Variants in ALK observed in about 807,000 individuals in gnomAD.
ALK encodes the protein ALK receptor tyrosine kinase.
ALK carries 74 observed loss-of-function variants against 163.1 expected under a neutral mutation model. The ratio of observed to expected loss-of-function variants is 0.45; its 90% confidence interval spans 0.38 to 0.55. The LOEUF (loss-of-function observed/expected upper bound fraction) is 0.55, where lower values mean the gene tolerates loss of function less well. Among genes scored for constraint, ALK ranks in the 20% least tolerant of loss-of-function variants. ALK has a pLI of 0.00. For synonymous variants in ALK, 960 were observed against 843.2 expected (o/e 1.14, Z -2.40); for missense variants, 2,063 against 2,105.3 (o/e 0.98, Z 0.39).
In ALK at chr2:29,246,250, G is replaced by C. The variant is rs1184413777; in HGVS notation, c.2204+4855C>G. Among the ~76,000 whole-genome samples the C allele has an allele frequency of 6.6e-6, 1 of 151,976 alleles. No individual in the cohort carries two copies. The highest frequency in any genetic ancestry group is 1.5e-5 in the Non-Finnish European group (1 of 67,966). On this transcript the variant is annotated intron_variant, in intron 12 of 28. Transcript: ENST00000389048. The surrounding 1 kb of genome is among the most constrained non-coding windows in gnomAD (Gnocchi z 4.3). Reference sequence around the variant, plus strand: ...GAGGGAAGAAGGAGGAAAGAAGTCAGGGAGAGAGAGGGGGCGGGCTGGGCT... The same window carrying C: ...GAGGGAAGAAGGAGGAAAGAAGTCACGGAGAGAGAGGGGGCGGGCTGGGCT...
chr2:29,834,371 T>A (rs1014147233), intron 1 of ALK, among the ~76,000 whole-genome samples: 9 of 152,214 alleles, frequency 5.9e-5, no homozygotes, highest in Admixed American at 5.9e-4. Context: ...GCCAGTCTCA[T>A]CAATTTTCTC....
intron 13 of ALK, among the ~76,000 whole-genome samples, chr2:29,234,140 T>C (rs1045760320): frequency 2.6e-5 from 4 of 152,066 alleles, no homozygotes; most frequent in African/African-American, 9.7e-5. Flanking sequence ...CCCAGAAGTC[T>C]ATCAGGACAG....
chr2:29,311,010 T>C (rs1573216301), intron 8 of ALK, among the ~76,000 whole-genome samples: 4 of 152,206 alleles, frequency 2.6e-5, no homozygotes, highest in African/African-American at 9.6e-5. Context: ...CGAGAACCAC[T>C]GCAGCTTCCT....
chr2:29,441,134 CA>C (rs1441265161), intron 4 of ALK, among the ~76,000 whole-genome samples: 3 of 152,336 alleles, frequency 2.0e-5, no homozygotes, highest in African/African-American at 7.2e-5. Flanking sequence ...ACGCCCTGCT[CA>C]GGGGCAGAAC....
intron 4 of ALK, among the ~76,000 whole-genome samples, chr2:29,490,894 G>C (rs1260688471): frequency 1.3e-5 from 2 of 152,166 alleles, no homozygotes. Flanking sequence ...TGCAACAGCT[G>C]TCATGTGATT....
intron 16 of ALK, among the ~76,000 whole-genome samples, 175 bp downstream of exon 16, chr2:29,228,709 G>A (rs1341077244): frequency 2.0e-5 from 3 of 146,944 alleles, no homozygotes; most frequent in Non-Finnish European, 3.0e-5. Flanking sequence ...GTGCTGGCTC[G>A]AAAGCCAGCA....
chr2:29,317,444 C>A (rs1666861975), intron 8 of ALK, among the ~76,000 whole-genome samples: 1 of 152,238 alleles, frequency 6.6e-6, no homozygotes, highest in Admixed American at 6.5e-5. Context: ...GGCTCAAGTT[C>A]TCTTCCTCTT....
At chr2:29,351,984 C>T (rs1668127479) in intron 5 of ALK, among the ~76,000 whole-genome samples, 1 of 152,130 alleles carries the variant, frequency 6.6e-6, no homozygotes, top group Admixed American at 6.5e-5. Context: ...TATCATCAGC[C>T]CTAGCCCTGG....
intron 1 of ALK, among the ~76,000 whole-genome samples, chr2:29,885,250 T>C (rs1666957535): frequency 6.6e-6 from 1 of 152,174 alleles, no homozygotes; most frequent in South Asian, 2.1e-4. Context: ...GTATTCTACT[T>C]GCCTCCAAAC....
At chr2:29,845,597 G>A (rs1665823064) in intron 1 of ALK, among the ~76,000 whole-genome samples, 1 of 152,136 alleles carries the variant, frequency 6.6e-6, no homozygotes, top group South Asian at 2.1e-4. Flanking sequence ...ATCATGACCG[G>A]CCAATTTTGT....
chr2:29,370,404 G>C (rs10174743), intron 5 of ALK, among the ~76,000 whole-genome samples: 8,419 of 152,228 alleles, frequency 0.055, 312 homozygotes, highest in African/African-American at 0.095. Context: ...AAATCTTACA[G>C]ACAGCCTAGG....
At chr2:29,370,315 C>G (rs79043607) in intron 5 of ALK, among the ~76,000 whole-genome samples, 1 of 152,152 alleles carries the variant, frequency 6.6e-6, no homozygotes, top group Admixed American at 6.5e-5. Flanking sequence ...GACAAACTGG[C>G]CCCCTCTAAG....
At position 29,773,719 on chromosome 2, in the gene ALK, G is replaced by A. The variant is rs539664081; in HGVS notation, c.668-56022C>T. 5.3e-5 allele frequency among the ~76,000 whole-genome samples: 8 copies of A among 152,194 alleles called. No individual in the cohort carries two copies. In the South Asian group the frequency reaches 1.7e-3, roughly 32 times the overall value. On this transcript the variant is annotated intron_variant, in intron 1 of 28. Coordinates refer to ENST00000389048, the MANE Select transcript of ALK (RefSeq NM_004304.5). ...GGCATTAAGTGCTAAATGCATTTTT[G>A]GCTGAATTTTGTTTCATCAACTTCC...
At chr2:29,622,091 C>A (rs1487676316) in intron 3 of ALK, among the ~76,000 whole-genome samples, 6 of 152,130 alleles carry the variant, frequency 3.9e-5, no homozygotes, top group African/African-American at 1.4e-4. Flanking sequence ...TTAGTGAACA[C>A]CCATACCGCT....
At chr2:29,731,322 T>C (rs1679735964) in intron 1 of ALK, among the ~76,000 whole-genome samples, 1 of 152,230 alleles carries the variant, frequency 6.6e-6, no homozygotes, top group Non-Finnish European at 1.5e-5. Flanking sequence ...TCATCATGAC[T>C]GGTGACATTT....
chr2:29,599,289 A>T (rs1675310393), intron 3 of ALK, among the ~76,000 whole-genome samples: 1 of 152,186 alleles, frequency 6.6e-6, no homozygotes, highest in Non-Finnish European at 1.5e-5. Flanking sequence ...ACAATCCCAG[A>T]TGTGATAAAA....
chr2:29,400,581 C>A (rs1396489274), intron 4 of ALK, among the ~76,000 whole-genome samples: 1 of 152,180 alleles, frequency 6.6e-6, no homozygotes, highest in Non-Finnish European at 1.5e-5. Flanking sequence ...ATGTGCGAGA[C>A]CCTGAATCCT....
chr2:29,282,880 G>C (rs527696652), intron 9 of ALK, among the ~76,000 whole-genome samples: 1 of 152,192 alleles, frequency 6.6e-6, no homozygotes, highest in Non-Finnish European at 1.5e-5. Flanking sequence ...CCTGTGCTCT[G>C]GTGTGTCACC....
intron 4 of ALK, among the ~76,000 whole-genome samples, chr2:29,504,255 G>C (rs1422980944): frequency 6.6e-6 from 1 of 152,064 alleles, no homozygotes; most frequent in Non-Finnish European, 1.5e-5. Flanking sequence ...AGCCAGTGTG[G>C]GGACGCTGTG....
Sources: gnomAD v4.1 joint callset for allele counts (sites outside exome capture counted in the v4.1 genomes callset) on GRCh38, gnomAD v4.1.1 for gene constraint, Gnocchi (gnomAD v3.1) non-coding constraint, MANE v1.5 for transcripts, NCBI Gene and HGNC (gene_info 2026-07-23, HGNC 2026-07-21) for gene names.